Variants in ADD3 observed in about 807,000 individuals in gnomAD.
ADD3 encodes the protein gamma-adducin.
Under a neutral mutation model 80.2 loss-of-function variants are expected in ADD3, and 25 were observed. The ratio of observed to expected loss-of-function variants is 0.31; its 90% CI spans 0.23 to 0.44. The LOEUF is 0.44. Ranked by LOEUF, ADD3 falls within the 20% of genes least tolerant of loss-of-function variation. ADD3 has a pLI of 1.00. For synonymous variants in ADD3, 284 were observed against 289.6 expected, an observed-to-expected ratio of 0.98 and a Z score of 0.20; for missense variants, 829 against 847.5, an observed-to-expected ratio of 0.98 and a Z score of 0.27.
chr10:110,051,613 T>C (rs1857522492), intron 1 of ADD3, among the ~76,000 whole-genome samples: 1 of 152,158 alleles, frequency 6.6e-6, no homozygotes, highest in South Asian at 2.1e-4. Flanking sequence ...AAATAGAACA[T>C]ATTCTAGGGT....
At chr10:110,058,943 C>T (rs1858543571) in intron 1 of ADD3, among the ~76,000 whole-genome samples, 1 of 152,144 alleles carries the variant, frequency 6.6e-6, no homozygotes, top group Admixed American at 6.5e-5. Context: ...TCCTTCTTTC[C>T]TTGACTCTCA....
At chr10:110,029,428 A>G (rs564201936) in intron 1 of ADD3, among the ~76,000 whole-genome samples, 3 of 152,222 alleles carry the variant, frequency 2.0e-5, no homozygotes, top group Admixed American at 6.5e-5. Flanking sequence ...TGTACTTTCT[A>G]TGACATTAGC....
chr10:110,081,923 A>G (rs1433140227), intron 1 of ADD3, among the ~76,000 whole-genome samples: 1 of 152,196 alleles, frequency 6.6e-6, no homozygotes, highest in Non-Finnish European at 1.5e-5. Flanking sequence ...ATTTTAGGAA[A>G]ACAGTCCTAT....
chr10:109,999,193 C>A (rs1164612319), intron 1 of ADD3, among the ~76,000 whole-genome samples: 1 of 152,142 alleles, frequency 6.6e-6, no homozygotes, highest in Non-Finnish European at 1.5e-5. Flanking sequence ...CTAAATTTGC[C>A]CTACACAAAC....
At chr10:110,049,422 G>C (rs2133375684) in intron 1 of ADD3, among the ~76,000 whole-genome samples, 1 of 152,318 alleles carries the variant, frequency 6.6e-6, no homozygotes, top group African/African-American at 2.4e-5. Context: ...CTTGCACCGT[G>C]TGCCTGGAAA....
At chr10:110,129,887 T>C (rs1183110235) in intron 12 of ADD3, among the ~76,000 whole-genome samples, 2 of 152,210 alleles carry the variant, frequency 1.3e-5, no homozygotes, top group African/African-American at 4.8e-5. Flanking sequence ...AATAAATACA[T>C]GGGTTCCATA....
intron 5 of ADD3, among the ~76,000 whole-genome samples, chr10:110,118,019 TACACACACACACAC>T (rs148105742): frequency 0.03 from 3,787 of 125,640 alleles, 129 homozygotes; most frequent in African/African-American, 0.09. Flanking sequence ...CTGTCTTCAA[TACACACACACACAC>T]ACACACACAC....
In ADD3 at chr10:110,126,422, G is replaced by A; in HGVS notation, c.1527G>A (p.Arg509=). The change falls in exon 12 of 15, where the codon CGG becomes CGA. Residue 509 remains arginine (R), a synonymous_variant. Transcript: ENST00000356080. ...NEVLEKRNKI[R]EQNRYDLKTA... ...TGAATTGTTTTTCAATTCAGATTCGGGAACAAAATCGATATGACTTGAAAA... is the reference window on the plus strand; with the variant it reads ...TGAATTGTTTTTCAATTCAGATTCGAGAACAAAATCGATATGACTTGAAAA... 6.2e-7 allele frequency: 1 copy of A among 1,613,080 alleles called. No individual in the cohort carries two copies. Among genetic ancestry groups the A allele is most frequent in the Non-Finnish European group, 8.5e-7 (1 of 1,179,620 alleles).
intron 12 of ADD3, 101 bp from the exon 13 acceptor site, chr10:110,130,262 C>G: frequency 8.2e-7 from 1 of 1,224,806 alleles, no homozygotes; most frequent in South Asian, 1.4e-5. Flanking sequence ...TAAGGCTTCA[C>G]AAACATCATA....
chr10:110,071,434 A>G (rs1844698551), intron 1 of ADD3, among the ~76,000 whole-genome samples: 1 of 152,224 alleles, frequency 6.6e-6, no homozygotes, highest in African/African-American at 2.4e-5. Context: ...TTATACCTCA[A>G]AGATTTAGAA....
rs900488390 is a variant in ADD3, at chr10:110,009,434, A to G, written c.-30+1135A>G. 1.6e-4 allele frequency among the ~76,000 whole-genome samples: 24 copies of G among 152,318 alleles called. No homozygotes were observed. The South Asian group carries it at 4.8e-3, about 30-fold the overall frequency. ...TAGTGAGAGTGTTTTTAAAGATTGA[A>G]AAAATAAGAGTACAGTGCAATTTGT... On this transcript the variant is annotated intron_variant, in intron 1 of 14. Coordinates refer to ENST00000356080, the MANE Select transcript of ADD3 (RefSeq NM_016824.5).
At chr10:110,049,991 G>A (rs1034093023) in intron 1 of ADD3, among the ~76,000 whole-genome samples, 2 of 152,116 alleles carry the variant, frequency 1.3e-5, no homozygotes, top group African/African-American at 4.8e-5. Flanking sequence ...TGGAACAGCT[G>A]TATTTACCCA....
chr10:110,112,923 A>C lies in ADD3; in HGVS notation c.334+8A>C, dbSNP rs780602898. ...TTTCTTCACCTCCTCTCAGTATGTC[A>C]GTTTTGGAGAGTTTTAAACATTATA... On this transcript the variant is annotated splice_region_variant and intron_variant, in intron 3 of 14. Coordinates refer to ENST00000356080, the MANE Select transcript of ADD3 (RefSeq NM_016824.5). 6.2e-7 allele frequency: 1 copy of C among 1,611,354 alleles called. No individual in the cohort carries two copies. Among genetic ancestry groups the C allele is most frequent in the East Asian group, 2.2e-5 (1 of 44,848 alleles).
At chr10:110,070,983 G>C (rs1386796853) in intron 1 of ADD3, among the ~76,000 whole-genome samples, 1 of 24,104 alleles carries the variant, frequency 4.1e-5, no homozygotes. Context: ...GTTGTTTTTG[G>C]GGGGGGGGGG....
At chr10:110,103,337 G>A (rs1050556751) in intron 2 of ADD3, among the ~76,000 whole-genome samples, 1 of 152,224 alleles carries the variant, frequency 6.6e-6, no homozygotes, top group East Asian at 1.9e-4. Context: ...GGTTAGCTGA[G>A]TTTTTCTGGC....
At chr10:110,130,604 C>A (rs13306109) in intron 13 of ADD3, 118 bp downstream of exon 13, 167,955 of 1,144,224 alleles carry the variant, frequency 0.15, 15,578 homozygotes, top group East Asian at 0.37. Context: ...ACCTGTAATC[C>A]CAGCACTTTG....
intron 1 of ADD3, among the ~76,000 whole-genome samples, chr10:110,038,312 C>G (rs1855904684): frequency 6.6e-6 from 1 of 152,086 alleles, no homozygotes; most frequent in South Asian, 2.1e-4. Flanking sequence ...CCCCATCCCC[C>G]AGAGCCTTTG....
chr10:110,086,081 G>A (rs1846699603), intron 1 of ADD3, among the ~76,000 whole-genome samples: 1 of 151,318 alleles, frequency 6.6e-6, no homozygotes, highest in Non-Finnish European at 1.5e-5. Flanking sequence ...CTCCAGCCTG[G>A]GTGACAAAGA....
intron 1 of ADD3, among the ~76,000 whole-genome samples, chr10:110,049,886 CAAAAA>C (rs1296672882): frequency 3.3e-5 from 2 of 61,060 alleles, no homozygotes; most frequent in Non-Finnish European, 3.7e-5. Context: ...GACTCCGTCT[CAAAAA>C]AAAAAAAAAA....
Sources: gnomAD v4.1 joint callset for allele counts (sites outside exome capture counted in the v4.1 genomes callset) on GRCh38, gnomAD v4.1.1 for gene constraint, MANE v1.5 for transcripts, NCBI Gene and HGNC (gene_info 2026-07-23, HGNC 2026-07-21) for gene names.